THSD7B: variants seen among roughly 807,000 people sequenced by gnomAD.
THSD7B encodes thrombospondin type-1 domain-containing protein 7B.
THSD7B carries 138 observed loss-of-function variants against 213.6 expected under a neutral mutation model. That is an observed-to-expected ratio of 0.65 (90% CI 0.56 to 0.74). The LOEUF is 0.74. THSD7B is among the 30% of genes least tolerant of loss of function. The pLI, the probability that THSD7B is intolerant of heterozygous loss-of-function variation, is 0.00. For synonymous variants in THSD7B, 742 were observed against 687.0 expected (o/e 1.08, Z -1.25); for missense variants, 1,931 against 1,991.5 (o/e 0.97, Z 0.58).
rs1194085703 is a variant in THSD7B, at chr2:137,266,856, T to TA, written c.2267-5676dup. ...CACCCACTTGCTGTTCCCCTACTCT[T>TA]ACATTTTAAATTAGTTGCAAACTTA... On this transcript the variant is annotated intron_variant, in intron 10 of 27. Coordinates refer to ENST00000409968, the MANE Select transcript of THSD7B (RefSeq NM_001316349.2). Among the ~76,000 whole-genome samples the TA allele has an allele frequency of 3.3e-5, 5 of 152,190 alleles. No individual in the cohort carries two copies. The South Asian group carries it at 6.2e-4, about 19-fold the overall frequency.
chr2:137,122,518 AAAC>A (rs1688563083), intron 5 of THSD7B, among the ~76,000 whole-genome samples: 1 of 152,156 alleles, frequency 6.6e-6, no homozygotes, highest in Admixed American at 6.5e-5. Flanking sequence ...ATTTTCAGTA[AAAC>A]TGGTAATCAA....
chr2:136,961,569 A>G (rs892146410), intron 2 of THSD7B, among the ~76,000 whole-genome samples: 9 of 152,132 alleles, frequency 5.9e-5, no homozygotes, highest in African/African-American at 2.2e-4. Flanking sequence ...GCCATGATGG[A>G]TCATTCCTGG....
At chr2:137,462,472 A>G (rs545040950) in intron 15 of THSD7B, among the ~76,000 whole-genome samples, 16 of 152,178 alleles carry the variant, frequency 1.1e-4, no homozygotes, top group African/African-American at 3.9e-4. Flanking sequence ...ATGCATAGCC[A>G]ATCACTAACC....
intron 12 of THSD7B, among the ~76,000 whole-genome samples, chr2:137,320,368 G>GAAAAAC (rs1684236237): frequency 6.6e-6 from 1 of 152,128 alleles, no homozygotes; most frequent in Admixed American, 6.5e-5. Context: ...CAGAAAAACA[G>GAAAAAC]TTTGCCCTGT....
intron 15 of THSD7B, among the ~76,000 whole-genome samples, chr2:137,469,368 GC>G (rs1396565874): frequency 6.6e-6 from 1 of 152,172 alleles, no homozygotes. Flanking sequence ...GATCCTCTTT[GC>G]ATGAATTATT....
chr2:137,584,912 T>C (rs1215052473), intron 17 of THSD7B, among the ~76,000 whole-genome samples: 1 of 152,250 alleles, frequency 6.6e-6, no homozygotes. Flanking sequence ...GAAGGAATGG[T>C]ACCAGCTCCT....
intron 13 of THSD7B, among the ~76,000 whole-genome samples, chr2:137,408,762 G>A (rs1041526134): frequency 1.3e-5 from 2 of 152,128 alleles, no homozygotes; most frequent in Admixed American, 6.5e-5. Context: ...GCAAGTCCCT[G>A]GCTCATGTTC....
intron 14 of THSD7B, among the ~76,000 whole-genome samples, chr2:137,432,428 G>A (rs1001883827): frequency 6.6e-6 from 1 of 151,896 alleles, no homozygotes; most frequent in African/African-American, 2.4e-5. Flanking sequence ...AAAAATTGTC[G>A]GCATAAGAGG....
chr2:137,560,146 T>C (rs1352260385), intron 15 of THSD7B, among the ~76,000 whole-genome samples: 1 of 150,120 alleles, frequency 6.7e-6, no homozygotes, highest in Non-Finnish European at 1.5e-5. Context: ...TATGGAAGAC[T>C]GTGTGGCGAT....
At chr2:137,544,864 A>G (rs1186986879) in intron 15 of THSD7B, among the ~76,000 whole-genome samples, 2 of 151,816 alleles carry the variant, frequency 1.3e-5, no homozygotes, top group Admixed American at 1.3e-4. Context: ...AACTGACATT[A>G]TTGTAGAATT....
At chr2:137,599,812 G>A (rs1379277464) in intron 17 of THSD7B, among the ~76,000 whole-genome samples, 2 of 152,282 alleles carry the variant, frequency 1.3e-5, no homozygotes, top group South Asian at 2.1e-4. Context: ...GGAGGATTTA[G>A]TGTATAACTA....
At chr2:137,203,256 T>C (rs1367115631) in intron 7 of THSD7B, among the ~76,000 whole-genome samples, 2 of 152,090 alleles carry the variant, frequency 1.3e-5, no homozygotes, top group Non-Finnish European at 2.9e-5. Context: ...ATGAATAAAA[T>C]GAGAACTCTT....
chr2:137,238,943 A>C (rs559665522), intron 9 of THSD7B, among the ~76,000 whole-genome samples: 2,418 of 151,974 alleles, frequency 0.016, 62 homozygotes, highest in African/African-American at 0.055. Flanking sequence ...AAGATAGTTA[A>C]TAATAATAAT....
intron 2 of THSD7B, among the ~76,000 whole-genome samples, chr2:137,003,980 C>T (rs774197519): frequency 1.3e-5 from 2 of 152,070 alleles, no homozygotes; most frequent in Non-Finnish European, 1.5e-5. Context: ...CTTTTCTCTT[C>T]CATTGATGCC....
At chr2:136,994,427 C>T (rs758652567) in intron 2 of THSD7B, among the ~76,000 whole-genome samples, 1 of 152,014 alleles carries the variant, frequency 6.6e-6, no homozygotes, top group African/African-American at 2.4e-5. Flanking sequence ...ATTAGCTGGG[C>T]GTGGTGGCGG....
At chr2:137,114,296 G>A (rs1450636031) in intron 4 of THSD7B, among the ~76,000 whole-genome samples, 1 of 152,214 alleles carries the variant, frequency 6.6e-6, no homozygotes, top group Non-Finnish European at 1.5e-5. Flanking sequence ...TACTACTGCT[G>A]TGGGCTTAAA....
chr2:137,061,655 G>C (rs114685843), intron 3 of THSD7B, among the ~76,000 whole-genome samples: 1 of 151,598 alleles, frequency 6.6e-6, no homozygotes, highest in Non-Finnish European at 1.5e-5. Flanking sequence ...TTATGTTATG[G>C]ATTACATTAA....
chr2:137,584,701 G>T (rs941841877), intron 17 of THSD7B, among the ~76,000 whole-genome samples: 1 of 152,128 alleles, frequency 6.6e-6, no homozygotes, highest in Non-Finnish European at 1.5e-5. Flanking sequence ...TGATCATGGT[G>T]GATAAGGTTT....
At chr2:137,540,692 T>A (rs375426091) in intron 15 of THSD7B, among the ~76,000 whole-genome samples, 2 of 151,834 alleles carry the variant, frequency 1.3e-5, no homozygotes, top group South Asian at 4.1e-4. Context: ...TCTGATATGC[T>A]TTTTCTCTAG....
Sources: allele counts gnomAD v4.1 joint callset (sites outside exome capture counted in the v4.1 genomes callset), GRCh38; gene constraint gnomAD v4.1.1; transcripts MANE v1.5; gene names NCBI Gene and HGNC (gene_info 2026-07-23, HGNC 2026-07-21).